Variants in CLEC5A observed in about 807,000 individuals in gnomAD.
The protein encoded by CLEC5A is C-type lectin domain family 5 member A.
CLEC5A carries 15 observed loss-of-function variants against 24.4 expected under a neutral mutation model. The ratio of observed to expected loss-of-function variants is 0.62; its 90% CI spans 0.41 to 0.95. The LOEUF is 0.95. Ranked by LOEUF, CLEC5A falls within the 40% of genes least tolerant of loss-of-function variation. The probability of loss-of-function intolerance (pLI) is 0.00; values close to 1 mark genes in which losing one functional copy is unlikely to be tolerated. For missense variants in CLEC5A, 211 were observed against 224.0 expected (o/e 0.94, Z 0.37); for synonymous variants, 71 against 72.6 (o/e 0.98, Z 0.11).
chr7:141,934,118 A>G (rs1802547065), intron 5 of CLEC5A, among the ~76,000 whole-genome samples: 1 of 152,180 alleles, frequency 6.6e-6, no homozygotes, highest in African/African-American at 2.4e-5. Context: ...CATGAACCTG[A>G]CATATGCCAT....
Position 141,930,074 on chromosome 7 carries a change from A to C in CLEC5A, c.*30T>G, listed in dbSNP as rs1195824653. 7 of 1,538,834 alleles carry C rather than the reference A, an allele frequency of 4.5e-6. No homozygotes were observed. The highest frequency in any genetic ancestry group is 6.3e-6 in the Non-Finnish European group (7 of 1,113,710). On this transcript the variant is annotated 3_prime_UTR_variant, in exon 7 of 7. Coordinates refer to ENST00000546910, the MANE Select transcript of CLEC5A (RefSeq NM_013252.3). ...CCTGTATGGATTCAAAAAGAGTTGC[A>C]AGTATAGTTCTTGTCACAGGGAACT...
At position 141,935,889 on chromosome 7, in the gene CLEC5A, T is replaced by C. The variant is rs371403451; in HGVS notation, c.270A>G (p.Ser90=). 1.9e-6 allele frequency: 3 copies of C among 1,613,456 alleles called. No homozygotes were observed. In the African/African-American group the frequency reaches 4.0e-5, roughly 22 times the overall value. The change falls in exon 5 of 7, where the codon TCA becomes TCG. Residue 90 remains serine, a synonymous_variant. Coordinates refer to ENST00000546910, the MANE Select transcript of CLEC5A (RefSeq NM_013252.3). Reference sequence around the variant, plus strand: ...AAAAGTCCCTGCTTTCATTCCAAGATGATTCAGAAGTGGATAAGAAAAAAC... The same window carrying C: ...AAAAGTCCCTGCTTTCATTCCAAGACGATTCAGAAGTGGATAAGAAAAAAC... ...ARCFFLSTSE[S]SWNESRDFCK... is the part of the protein sequence containing the mutation.
chr7:141,945,290 G>T lies in CLEC5A; in HGVS notation c.139+51C>A, dbSNP rs782710736. On this transcript the variant is annotated intron_variant, in intron 3 of 6. Coordinates refer to ENST00000546910, the MANE Select transcript of CLEC5A (RefSeq NM_013252.3). ...TGTGTGGAAGGTCTCTAGGAATTCA[G>T]CATAGAAGTAGCAGGAGGATGGGGA... 3.1e-6 allele frequency: 4 copies of T among 1,285,902 alleles called. No individual in the cohort carries two copies. In the South Asian group the frequency reaches 4.7e-5, roughly 15 times the overall value. The allele number at this position is 1,285,902 out of a possible 1,614,324, so 79.7% of individuals were successfully genotyped here.
Position 141,930,002 on chromosome 7 carries a change from G to T in CLEC5A, c.*102C>A, listed in dbSNP as rs1376488818. On this transcript the variant is annotated 3_prime_UTR_variant, in exon 7 of 7. Transcript: ENST00000546910. ...TCAGTTTCCCAAATGGGCAAGGACC[G>T]CTACTGGTAGACAGATAGGTAAGTA... The T allele has an allele frequency of 2.4e-6, 2 of 849,640 alleles. No individual in the cohort carries two copies. Among genetic ancestry groups the T allele is most frequent in the East Asian group, 2.7e-5 (1 of 37,614 alleles). The allele number at this position is 849,640 out of a possible 1,614,324, so 52.6% of individuals were successfully genotyped here.
chr7:141,934,701 C>T (rs1249481461), intron 5 of CLEC5A, among the ~76,000 whole-genome samples: 1 of 141,744 alleles, frequency 7.1e-6, no homozygotes, highest in Non-Finnish European at 1.5e-5. Flanking sequence ...TCATGGCTCA[C>T]TGCAGCCTCC....
intron 4 of CLEC5A, among the ~76,000 whole-genome samples, chr7:141,940,084 G>C (rs1802740975): frequency 6.6e-6 from 1 of 152,100 alleles, no homozygotes; most frequent in Admixed American, 6.6e-5. Flanking sequence ...TAGACCAAAT[G>C]AACATAATAG....
chr7:141,936,166 G>A (rs539942550), intron 4 of CLEC5A: 2 of 548,050 alleles, frequency 3.6e-6, no homozygotes, highest in Middle Eastern at 4.8e-4. Context: ...GCTGAATAAA[G>A]TTTCCATTAG....
At chr7:141,944,829 CT>C (rs1295033769) in intron 3 of CLEC5A, among the ~76,000 whole-genome samples, 2 of 152,138 alleles carry the variant, frequency 1.3e-5, no homozygotes, top group Non-Finnish European at 2.9e-5. Flanking sequence ...TCAGAAACTA[CT>C]TTGAGATTAT....
At position 141,946,302 on chromosome 7, in the gene CLEC5A, G is replaced by A; in HGVS notation, c.-10C>T. On this transcript the variant is annotated 5_prime_UTR_variant, in exon 2 of 7. Transcript: ENST00000546910. ...TCATGTGCCAGTTCATGATGAAGGAGCTGCAGGGGCCTGTGAAGATTAGAG... is the reference window on the plus strand; with the variant it reads ...TCATGTGCCAGTTCATGATGAAGGAACTGCAGGGGCCTGTGAAGATTAGAG... The A allele has an allele frequency of 6.4e-7, 1 of 1,561,358 alleles. No individual in the cohort carries two copies. Among genetic ancestry groups the A allele is most frequent in the Non-Finnish European group, 8.7e-7 (1 of 1,151,552 alleles).
Position 141,935,862 on chromosome 7 carries a change from G to T in CLEC5A, c.297C>A (p.Cys99Ter). 1 of 1,613,648 alleles carries T rather than the reference G, an allele frequency of 6.2e-7. No homozygotes were observed. The highest frequency in any genetic ancestry group is 8.5e-7 in the Non-Finnish European group (1 of 1,179,670). Residue 99 changes from cysteine to a stop codon, truncating the protein, a stop_gained, in exon 5 of 7, where the codon TGC becomes TGA. Transcript: ENST00000546910. LOFTEE classifies it high-confidence loss of function. ...ESSWNESRDF[C>*]KGKGSTLAIV... is the part of the protein sequence containing the mutation. ...TTGCCAATGTGGATCCTTTTCCTTT[G>T]CAAAAGTCCCTGCTTTCATTCCAAG...
chr7:141,935,169 G>T (rs1334579585), intron 5 of CLEC5A, among the ~76,000 whole-genome samples: 1 of 152,196 alleles, frequency 6.6e-6, no homozygotes, highest in Non-Finnish European at 1.5e-5. Context: ...AGAAGCGAGA[G>T]AAGCAAGAGT....
chr7:141,935,194 A>G (rs938772251), intron 5 of CLEC5A, among the ~76,000 whole-genome samples: 4 of 152,218 alleles, frequency 2.6e-5, no homozygotes, highest in Admixed American at 6.5e-5. Flanking sequence ...TGTATGTAGC[A>G]CAGATTAGAG....
intron 4 of CLEC5A, among the ~76,000 whole-genome samples, chr7:141,939,046 CATT>C (rs1802710933): frequency 6.6e-6 from 1 of 152,102 alleles, no homozygotes; most frequent in Non-Finnish European, 1.5e-5. Flanking sequence ...AAGTAAAGGA[CATT>C]AATGAGCAAT....
At chr7:141,945,767 T>C in intron 2 of CLEC5A, 1 of 341,978 alleles carries the variant, frequency 2.9e-6, no homozygotes, top group African/African-American at 2.2e-5. Context: ...CTTCTTTAAC[T>C]AGGCATTTGG....
In CLEC5A at chr7:141,935,798, A is replaced by C. The variant is rs1179484056; in HGVS notation, c.345+16T>G. On this transcript the variant is annotated intron_variant, in intron 5 of 6. Coordinates refer to ENST00000546910, the MANE Select transcript of CLEC5A (RefSeq NM_013252.3). ...GTGGAGTGTGTGGCTTTACTGTACCATTCCAGTGTTCTCACCAGTTTCTCT... is the reference window on the plus strand; with the variant it reads ...GTGGAGTGTGTGGCTTTACTGTACCCTTCCAGTGTTCTCACCAGTTTCTCT... 1 of 1,613,512 alleles carries C rather than the reference A, an allele frequency of 6.2e-7. No individual in the cohort carries two copies. The highest frequency in any genetic ancestry group is 2.2e-5 in the East Asian group (1 of 44,858).
intron 4 of CLEC5A, 63 bp downstream of exon 4, chr7:141,943,831 ATC>A (rs1293678321): frequency 2.7e-6 from 3 of 1,114,448 alleles, no homozygotes; most frequent in East Asian, 4.7e-5. Flanking sequence ...AATGGGAGAA[ATC>A]TCTAAGAATT....
At chr7:141,932,627 C>T (rs1554440536) in intron 5 of CLEC5A, among the ~76,000 whole-genome samples, 1 of 152,142 alleles carries the variant, frequency 6.6e-6, no homozygotes, top group Admixed American at 6.5e-5. Flanking sequence ...TCTCATTCAC[C>T]AAACATCTCT....
rs1388105105 is a variant in CLEC5A at position 141,927,978 on chromosome 7, G to T, written c.*2126C>A. On this transcript the variant is annotated 3_prime_UTR_variant, in exon 7 of 7. Coordinates refer to ENST00000546910, the MANE Select transcript of CLEC5A (RefSeq NM_013252.3). ...AGTAAGGAAATTAAGACCAAGAAAG[G>T]GTAAGAAAACTGTACTGATTCACAC... is the stretch of plus-strand genomic sequence containing the variant. 1.3e-5 allele frequency: 2 copies of T among 151,908 alleles called. No homozygotes were observed. Among genetic ancestry groups the T allele is most frequent in the Admixed American group, 6.6e-5 (1 of 15,258 alleles). 9.4% of individuals were successfully genotyped at this position (151,908 alleles called of 1,614,324 possible). A position where few individuals can be genotyped will look rare whatever the true frequency, so the allele number is the denominator to read the frequency against.
At chr7:141,945,260 G>A in intron 3 of CLEC5A, 81 bp downstream of exon 3, 1 of 951,490 alleles carries the variant, frequency 1.1e-6, no homozygotes, top group South Asian at 1.3e-5. Flanking sequence ...CTTGGGAAAG[G>A]AGGCTGTGTG....
Sources: allele counts gnomAD v4.1 joint callset (sites outside exome capture counted in the v4.1 genomes callset), GRCh38; gene constraint gnomAD v4.1.1; transcripts MANE v1.5; gene names NCBI Gene and HGNC (gene_info 2026-07-23, HGNC 2026-07-21).